EPC1: variants seen among roughly 807,000 people sequenced by gnomAD.
EPC1 encodes the protein enhancer of polycomb homolog 1.
In EPC1, 12 loss-of-function variants were observed where a neutral mutation model predicts 98.4. The ratio of observed to expected loss-of-function variants is 0.12; its 90% CI spans 0.08 to 0.20. EPC1 has a LOEUF of 0.20. EPC1 is among the 10% of genes least tolerant of loss of function. EPC1 has a pLI of 1.00. For missense variants in EPC1, 729 were observed against 990.5 expected (o/e 0.74, Z 3.54); for synonymous variants, 357 against 363.9 (o/e 0.98, Z 0.21).
Position 32,346,777 on chromosome 10 carries a change from T to C in EPC1, c.139A>G (p.Lys47Glu). 3 of 1,614,054 alleles carry C rather than the reference T, an allele frequency of 1.9e-6. No homozygotes were observed. The highest frequency in any genetic ancestry group is 2.5e-6 in the Non-Finnish European group (3 of 1,179,976). Residue 47 changes from lysine to glutamate, a missense_variant, in exon 1 of 14, where the codon AAG (lysine) becomes GAG (glutamate). Physicochemically the swap from Lys to Glu is moderately conservative, Grantham distance 56 (BLOSUM62 1). Transcript: ENST00000319778. ...TTAACACGTACCGACTCCTCTTCCTTCTCCATTCCGGTGGGCATCTGCGGC... is the reference window on the plus strand; with the variant it reads ...TTAACACGTACCGACTCCTCTTCCTCCTCCATTCCGGTGGGCATCTGCGGC... ...AVPQMPTGME[K>E]EEESEHHLQR...
intron 1 of EPC1, among the ~76,000 whole-genome samples, chr10:32,373,918 G>A (rs994645664): frequency 5.3e-5 from 8 of 152,152 alleles, no homozygotes; most frequent in Admixed American, 4.6e-4. Context: ...AGGGTTCTAT[G>A]TTAGTATGAA....
chr10:32,320,557 TTAA>T (rs1836846270), intron 1 of EPC1, among the ~76,000 whole-genome samples: 1 of 152,224 alleles, frequency 6.6e-6, no homozygotes, highest in African/African-American at 2.4e-5. Context: ...ATCTTCCAAA[TTAA>T]TAATACAGAA....
rs141236059 is a variant in EPC1 at position 32,284,582 on chromosome 10, T to C, written c.1744+116A>G. On this transcript the variant is annotated intron_variant, in intron 10 of 13. Transcript: ENST00000319778. ...CTTAGACCAAGATTTTTTTTTTAAC[T>C]GTTTAAGAGAAAAGGACTTTAAGCC... 566 of 806,878 alleles carry C rather than the reference T, an allele frequency of 7.0e-4. 3 individuals carry two copies. The African/African-American group carries it at 8.7e-3, about 12-fold the overall frequency. 50.0% of individuals were successfully genotyped at this position (806,878 alleles called of 1,614,324 possible).
chr10:32,330,606 G>C (rs183468208), intron 1 of EPC1, among the ~76,000 whole-genome samples: 1 of 152,086 alleles, frequency 6.6e-6, no homozygotes, highest in African/African-American at 2.4e-5. Flanking sequence ...TGATAAGGTA[G>C]GCTGCTTAGT....
intron 1 of EPC1, among the ~76,000 whole-genome samples, chr10:32,344,588 C>A (rs2505398): frequency 0.65 from 99,028 of 151,430 alleles, 32,705 homozygotes; most frequent in Middle Eastern, 0.78. Context: ...GAGTTCAAAA[C>A]CAGTCTGGCC....
At chr10:32,292,313 C>G (rs1834893243) in intron 5 of EPC1, 183 bp downstream of exon 5, 1 of 419,844 alleles carries the variant, frequency 2.4e-6, no homozygotes, top group East Asian at 4.5e-5. Context: ...AATCCAGTCA[C>G]TTTTAAAGAA....
intron 2 of EPC1, among the ~76,000 whole-genome samples, chr10:32,299,270 C>T (rs145531420): frequency 1.2e-3 from 179 of 152,296 alleles, no homozygotes; most frequent in African/African-American, 3.6e-3. Flanking sequence ...ACTGCAACCT[C>T]TGCCTCCTGA....
intron 1 of EPC1, 71 bp from the exon 2 acceptor site, chr10:32,306,002 G>C (rs1208331215): frequency 3.0e-6 from 4 of 1,349,232 alleles, no homozygotes; most frequent in East Asian, 5.2e-5. Context: ...TAGCCAAAAA[G>C]GTTTTTTTGG....
At chr10:32,291,350 A>T in intron 5 of EPC1, 28 bp from the exon 6 acceptor site, 1 of 1,522,880 alleles carries the variant, frequency 6.6e-7, no homozygotes, top group Non-Finnish European at 9.0e-7. Context: ...AAAGTTTAAA[A>T]TTATATATAT....
chr10:32,362,191 A>C (rs566742079), intron 1 of EPC1, among the ~76,000 whole-genome samples: 10 of 152,098 alleles, frequency 6.6e-5, no homozygotes, highest in Non-Finnish European at 1.2e-4. Flanking sequence ...TTTTTCTTGC[A>C]TGAGATCCAA....
intron 1 of EPC1, among the ~76,000 whole-genome samples, chr10:32,344,614 C>T (rs1432278330): frequency 6.6e-6 from 1 of 151,964 alleles, no homozygotes; most frequent in Non-Finnish European, 1.5e-5. Context: ...GGCAAAACCC[C>T]GTCTCTGTTA....
intron 6 of EPC1, among the ~76,000 whole-genome samples, chr10:32,290,069 C>A (rs1836909848): frequency 6.6e-6 from 1 of 152,130 alleles, no homozygotes; most frequent in Non-Finnish European, 1.5e-5. Flanking sequence ...TTTTATTCTT[C>A]ACAAATTGTG....
chr10:32,324,113 T>A (rs556539666), intron 1 of EPC1, among the ~76,000 whole-genome samples: 8 of 151,888 alleles, frequency 5.3e-5, no homozygotes, highest in Admixed American at 3.9e-4. Context: ...TTTTTTTGTA[T>A]TTTTTAGTAA....
Position 32,269,354 on chromosome 10 carries a change from C to A in EPC1, c.2370-219G>T, listed in dbSNP as rs1199638782. The A allele has an allele frequency of 2.1e-5, 9 of 425,666 alleles. No individual in the cohort carries two copies. In the East Asian group the frequency reaches 3.5e-4, roughly 16 times the overall value. 26.4% of individuals were successfully genotyped at this position (425,666 alleles called of 1,614,324 possible). A position where few individuals can be genotyped will look rare whatever the true frequency, so the allele number is the denominator to read the frequency against. On this transcript the variant is annotated intron_variant, in intron 13 of 13. Transcript: ENST00000319778. ...ATTCCACAGTCAACTACATTACCAT[C>A]AAAATTATAGTAGTACTCAAGCAAC...
At position 32,286,922 on chromosome 10, in the gene EPC1, T is replaced by G. The variant is rs1202731786; in HGVS notation, c.1242+4A>C. On this transcript the variant is annotated splice_donor_region_variant and intron_variant, in intron 8 of 13. Coordinates refer to ENST00000319778, the MANE Select transcript of EPC1 (RefSeq NM_001272004.3). ...GTTATTTACAAAGACACTCTGAAAC[T>G]TACAGCATAGTACTGACAGCCTGCT... 1.2e-6 allele frequency: 2 copies of G among 1,611,888 alleles called. No individual in the cohort carries two copies. The highest frequency in any genetic ancestry group is 1.3e-5 in the African/African-American group (1 of 74,648).
rs76394770 is a variant in EPC1 at position 32,339,243 on chromosome 10, A to C, written c.153+7520T>G. Among the ~76,000 whole-genome samples the C allele has an allele frequency of 9.9e-3, 1,515 of 152,354 alleles. 31 individuals are homozygous for C. The highest frequency in any genetic ancestry group is 0.063 in the East Asian group (328 of 5,192). ...CAGATTTAAATATAATGGCAACAGA[A>C]TATTCTCATTACAACAGGAAACTAC... On this transcript the variant is annotated intron_variant, in intron 1 of 13. Transcript: ENST00000319778.
At chr10:32,295,769 A>G (rs1835116222) in intron 2 of EPC1, among the ~76,000 whole-genome samples, 1 of 152,204 alleles carries the variant, frequency 6.6e-6, no homozygotes. Flanking sequence ...CAATCGCCAC[A>G]TTTCAAGTAC....
chr10:32,347,493 C>T (rs1352654752), upstream of EPC1: 1 of 152,918 alleles, frequency 6.5e-6, no homozygotes, highest in African/African-American at 2.4e-5. Context: ...AAAACTCTCT[C>T]CACCAGCACG....
intron 1 of EPC1, among the ~76,000 whole-genome samples, chr10:32,310,386 A>C (rs1256566248): frequency 1.3e-5 from 2 of 152,228 alleles, no homozygotes; most frequent in Non-Finnish European, 2.9e-5. Flanking sequence ...TAACATGCCC[A>C]AGATGTACTA....
Sources: gnomAD v4.1 joint callset for allele counts (sites outside exome capture counted in the v4.1 genomes callset) on GRCh38, gnomAD v4.1.1 for gene constraint, MANE v1.5 for transcripts, NCBI Gene and HGNC (gene_info 2026-07-23, HGNC 2026-07-21) for gene names.